MAGI1: variants seen among roughly 807,000 people sequenced by gnomAD.
The protein encoded by MAGI1 is membrane associated guanylate kinase, WW and PDZ domain containing 1.
In MAGI1, 58 loss-of-function variants were observed where a neutral mutation model predicts 139.9. That is an observed-to-expected ratio of 0.41 (90% CI 0.34 to 0.52). MAGI1 has a LOEUF of 0.52. MAGI1 is among the 20% of genes least tolerant of loss of function. The probability of loss-of-function intolerance (pLI) is 0.12; values close to 1 mark genes in which losing one functional copy is unlikely to be tolerated. For missense variants in MAGI1, 1,874 were observed against 1,901.6 expected (o/e 0.99, Z 0.27); for synonymous variants, 812 against 737.9 (o/e 1.10, Z -1.63).
chr3:65,564,459 T>C (rs2080517168), intron 2 of MAGI1, among the ~76,000 whole-genome samples: 1 of 152,134 alleles, frequency 6.6e-6, no homozygotes, highest in Non-Finnish European at 1.5e-5. Context: ...TGAGATGGCA[T>C]AAGAATGAAT....
chr3:65,882,423 A>G (rs2060363965), intron 1 of MAGI1, among the ~76,000 whole-genome samples: 1 of 151,932 alleles, frequency 6.6e-6, no homozygotes, highest in African/African-American at 2.4e-5. Context: ...TTTTTATATC[A>G]CTCAGTTCCA....
At chr3:65,483,591 G>C (rs1010620895) in intron 3 of MAGI1, among the ~76,000 whole-genome samples, 1 of 152,224 alleles carries the variant, frequency 6.6e-6, no homozygotes, top group South Asian at 2.1e-4. Context: ...TTGGCAGGCT[G>C]CACAGTGTCT....
intron 1 of MAGI1, among the ~76,000 whole-genome samples, chr3:65,693,765 C>A (rs2088894647): frequency 6.6e-6 from 1 of 151,862 alleles, no homozygotes; most frequent in African/African-American, 2.4e-5. Flanking sequence ...GTTCTGTCAC[C>A]CAGGCTGGAG....
chr3:65,723,022 G>A (rs2033218454), intron 1 of MAGI1, among the ~76,000 whole-genome samples: 1 of 151,918 alleles, frequency 6.6e-6, no homozygotes, highest in South Asian at 2.1e-4. Flanking sequence ...AGATCACTGA[G>A]AAGGAGCAAT....
intron 2 of MAGI1, among the ~76,000 whole-genome samples, chr3:65,580,721 T>C (rs1023009383): frequency 6.6e-6 from 1 of 152,198 alleles, no homozygotes; most frequent in African/African-American, 2.4e-5. Context: ...ATCAGATTAC[T>C]CAAGCACCTC....
At chr3:65,548,499 G>A (rs1221091461) in intron 2 of MAGI1, among the ~76,000 whole-genome samples, 1 of 135,862 alleles carries the variant, frequency 7.4e-6, no homozygotes, top group African/African-American at 2.8e-5. Context: ...CCAGCTTTAT[G>A]CAAACAACAC....
At chr3:65,836,800 A>G (rs2042831909) in intron 1 of MAGI1, among the ~76,000 whole-genome samples, 1 of 151,988 alleles carries the variant, frequency 6.6e-6, no homozygotes, top group African/African-American at 2.4e-5. Context: ...GAAAAAGAGA[A>G]AGAGAGAGAG....
At chr3:65,400,229 C>T (rs1200974146) in intron 13 of MAGI1, among the ~76,000 whole-genome samples, 2 of 152,188 alleles carry the variant, frequency 1.3e-5, no homozygotes, top group East Asian at 1.9e-4. Context: ...ACAAGGAAAC[C>T]AGCCCTGAAG....
intron 2 of MAGI1, among the ~76,000 whole-genome samples, chr3:65,533,171 T>C (rs2107859452): frequency 6.6e-6 from 1 of 152,312 alleles, no homozygotes; most frequent in Non-Finnish European, 1.5e-5. Flanking sequence ...GGCTTTGTGT[T>C]TCTTCCAAAT....
At chr3:65,398,325 C>T (rs937090257) in intron 13 of MAGI1, among the ~76,000 whole-genome samples, 18 of 152,002 alleles carry the variant, frequency 1.2e-4, no homozygotes, top group Non-Finnish European at 2.9e-5. Flanking sequence ...GATGGTGAGA[C>T]TCCCGCCTCT....
intron 13 of MAGI1, among the ~76,000 whole-genome samples, chr3:65,393,767 G>A (rs897163441): frequency 2.0e-5 from 3 of 152,100 alleles, no homozygotes; most frequent in Admixed American, 1.3e-4. Context: ...TGGTCTCATC[G>A]TGTTGAAATT....
intron 2 of MAGI1, among the ~76,000 whole-genome samples, chr3:65,595,964 G>T (rs1053430743): frequency 2.0e-5 from 3 of 152,142 alleles, no homozygotes; most frequent in Non-Finnish European, 4.4e-5. Context: ...AGAAATGGAG[G>T]AATCGAGTCT....
intron 1 of MAGI1, among the ~76,000 whole-genome samples, chr3:65,746,117 C>A (rs1173572334): frequency 6.6e-6 from 1 of 152,160 alleles, no homozygotes; most frequent in Non-Finnish European, 1.5e-5. Flanking sequence ...CTCACTGCAA[C>A]CTCTGCCTCC....
intron 1 of MAGI1, among the ~76,000 whole-genome samples, chr3:65,740,961 T>C (rs1320550239): frequency 1.3e-5 from 2 of 152,160 alleles, no homozygotes; most frequent in East Asian, 3.9e-4. Context: ...GTATTTCAGA[T>C]TTACTGTTTT....
chr3:65,714,220 C>G (rs887331137), intron 1 of MAGI1, among the ~76,000 whole-genome samples: 2 of 152,182 alleles, frequency 1.3e-5, no homozygotes, highest in African/African-American at 2.4e-5. Context: ...TTGAGTGACT[C>G]TTGTAGGGAG....
chr3:65,750,774 T>C (rs1417243937), intron 1 of MAGI1, among the ~76,000 whole-genome samples: 4 of 152,206 alleles, frequency 2.6e-5, no homozygotes, highest in Non-Finnish European at 5.9e-5. Context: ...ACGCTGAAAG[T>C]TGAAAGCCAC....
intron 7 of MAGI1, among the ~76,000 whole-genome samples, chr3:65,443,424 AAC>A (rs896032905): frequency 2.0e-5 from 3 of 152,218 alleles, no homozygotes; most frequent in African/African-American, 7.2e-5. Flanking sequence ...TGAAAGCAGT[AAC>A]ACAGCTCCTG....
In MAGI1 at chr3:65,806,305, T is replaced by C. The variant is rs868708604; in HGVS notation, c.314-184217A>G. 2.2e-4 allele frequency among the ~76,000 whole-genome samples: 33 copies of C among 151,980 alleles called. 1 individual carries two copies. Among genetic ancestry groups the C allele is most frequent in the South Asian group, 6.3e-4 (3 of 4,800 alleles). On this transcript the variant is annotated intron_variant, in intron 1 of 22. Transcript: ENST00000402939. ...TTAGCCGGGCATGGTAGTGTGCGCCTGTGGTCCCAGCTACTCGGGAGGCTG... is the reference window on the plus strand; with the variant it reads ...TTAGCCGGGCATGGTAGTGTGCGCCCGTGGTCCCAGCTACTCGGGAGGCTG...
intron 1 of MAGI1, among the ~76,000 whole-genome samples, chr3:65,963,981 A>G (rs1175472909): frequency 1.3e-5 from 2 of 152,226 alleles, no homozygotes; most frequent in Non-Finnish European, 2.9e-5. Context: ...CCAAGCTTCC[A>G]ATGAAGGGCA....
Sources: gnomAD v4.1 joint callset for allele counts (sites outside exome capture counted in the v4.1 genomes callset) on GRCh38, gnomAD v4.1.1 for gene constraint, MANE v1.5 for transcripts, NCBI Gene and HGNC (gene_info 2026-07-23, HGNC 2026-07-21) for gene names.